Variants in HOMER2 observed in about 807,000 individuals in gnomAD.
The protein encoded by HOMER2 is homer protein homolog 2.
Under a neutral mutation model 47.0 loss-of-function variants are expected in HOMER2, and 27 were observed. The ratio of observed to expected loss-of-function variants is 0.57; its 90% CI spans 0.42 to 0.79. HOMER2 has a LOEUF of 0.79. HOMER2 is among the 30% of genes least tolerant of loss of function. The pLI, the probability that HOMER2 is intolerant of heterozygous loss-of-function variation, is 0.00. For synonymous variants in HOMER2, 161 were observed against 163.8 expected, an observed-to-expected ratio of 0.98 and a Z score of 0.13; for missense variants, 443 against 435.0, an observed-to-expected ratio of 1.02 and a Z score of -0.16.
At chr15:82,941,703 C>G (rs75745402) in intron 1 of HOMER2, among the ~76,000 whole-genome samples, 1,537 of 151,994 alleles carry the variant, frequency 0.01, 24 homozygotes, top group African/African-American at 0.031. Context: ...GATTAACTCC[C>G]AACACCTTAG....
chr15:82,971,697 G>T (rs942021778), intron 1 of HOMER2, among the ~76,000 whole-genome samples: 1 of 151,884 alleles, frequency 6.6e-6, no homozygotes, highest in Admixed American at 6.6e-5. Flanking sequence ...CTCTGACTGT[G>T]CTAAAATCAG....
Position 82,851,238 on chromosome 15 carries a change from G to T in HOMER2, c.763-7C>A. ...TTCGGAGATCTTTCAGCTCCTACAT[G>T]AAAAAAATTTGAGATAGAACATGAA... On this transcript the variant is annotated splice_region_variant and splice_polypyrimidine_tract_variant and intron_variant, in intron 7 of 8. Coordinates refer to ENST00000450735, the MANE Select transcript of HOMER2 (RefSeq NM_004839.4). 6.5e-7 allele frequency: 1 copy of T among 1,546,746 alleles called. No homozygotes were observed. The highest frequency in any genetic ancestry group is 8.8e-7 in the Non-Finnish European group (1 of 1,140,676).
At chr15:82,836,694 T>A (rs2051131034), downstream of HOMER2, among the ~76,000 whole-genome samples, 1 of 152,222 alleles carries the variant, frequency 6.6e-6, no homozygotes, top group South Asian at 2.1e-4. Context: ...TGAAAAGCAT[T>A]GAGCTAGGCC....
chr15:82,869,410 T>C (rs1042999250), intron 3 of HOMER2, among the ~76,000 whole-genome samples: 11 of 149,896 alleles, frequency 7.3e-5, no homozygotes, highest in Non-Finnish European at 1.5e-5. Context: ...CAATATGATA[T>C]TAATACTTCC....
At chr15:82,897,994 C>T (rs1379185312) in intron 1 of HOMER2, among the ~76,000 whole-genome samples, 1 of 152,230 alleles carries the variant, frequency 6.6e-6, no homozygotes, top group African/African-American at 2.4e-5. Flanking sequence ...AGAAGAGACA[C>T]TGTCCTTCAC....
intron 1 of HOMER2, among the ~76,000 whole-genome samples, chr15:82,940,518 C>T (rs180920163): frequency 4.6e-5 from 7 of 152,188 alleles, no homozygotes; most frequent in Admixed American, 1.3e-4. Context: ...CCAAGGCGGG[C>T]GGATCACGAG....
intron 3 of HOMER2, among the ~76,000 whole-genome samples, chr15:82,873,952 G>A (rs934746374): frequency 6.6e-6 from 1 of 152,206 alleles, no homozygotes; most frequent in Non-Finnish European, 1.5e-5. Flanking sequence ...AAAGGAAGGG[G>A]ACCAGTTAGC....
chr15:82,844,956 TGGTTTACGGGCTCCTGCCA>T (rs1433653036), downstream of HOMER2: 4 of 152,280 alleles, frequency 2.6e-5, no homozygotes, highest in South Asian at 8.3e-4. Flanking sequence ...GACTCTGCCG[TGGTTTACGGGCTCCTGCCA>T]GGTGCCCTGG....
intron 1 of HOMER2, among the ~76,000 whole-genome samples, chr15:82,927,146 G>A (rs1596360534): frequency 2.0e-5 from 3 of 151,612 alleles, no homozygotes. Flanking sequence ...CACATATGAT[G>A]CCACTCCCAG....
chr15:82,864,610 T>C (rs1380543241), intron 3 of HOMER2, among the ~76,000 whole-genome samples: 2 of 152,240 alleles, frequency 1.3e-5, no homozygotes, highest in Non-Finnish European at 2.9e-5. Flanking sequence ...GTCATTTTTT[T>C]CTAGATGAAT....
intron 1 of HOMER2, among the ~76,000 whole-genome samples, chr15:82,984,974 A>G (rs951069135): frequency 6.6e-6 from 1 of 152,232 alleles, no homozygotes; most frequent in Non-Finnish European, 1.5e-5. Flanking sequence ...AACTAAATAC[A>G]TGAAATTCCA....
In HOMER2 at chr15:82,864,236, C is replaced by G. The variant is rs1024051853; in HGVS notation, c.318G>C (p.Val106=). The change falls in exon 4 of 9, where the codon GTG becomes GTC. Residue 106 remains valine (V), a synonymous_variant. Transcript: ENST00000450735. ...LTKFAEKFQE[V]KEAAKIAKDK... ...CTTTGGCTATCTTGGCAGCTTCTTT[C>G]ACCTCCTGGAATTTCTCTGCAAACT... is the stretch of plus-strand genomic sequence containing the variant. 1 of 1,612,334 alleles carries G rather than the reference C, an allele frequency of 6.2e-7. No homozygotes were observed. The highest frequency in any genetic ancestry group is 1.7e-5 in the Admixed American group (1 of 59,648).
exon 2 of HOMER2, chr15:82,841,153 A>G (rs955199082): frequency 6.6e-6 from 1 of 152,194 alleles, no homozygotes; most frequent in African/African-American, 2.4e-5. Flanking sequence ...CAGAAAGTAC[A>G]GATAAGAAAC....
downstream of HOMER2, chr15:82,846,062 C>G (rs1306364568): frequency 1.3e-5 from 2 of 152,244 alleles, no homozygotes; most frequent in Non-Finnish European, 2.9e-5. Flanking sequence ...GATCAGGTCC[C>G]GTTCAAGCTG....
At chr15:82,898,500 G>A (rs539690555) in intron 1 of HOMER2, 6 of 152,268 alleles carry the variant, frequency 3.9e-5, no homozygotes, top group African/African-American at 7.2e-5. Context: ...AGATGTTTCC[G>A]GATGGCAGAA....
chr15:82,854,791 G>C lies in HOMER2; in HGVS notation c.504C>G (p.Asn168Lys), dbSNP rs781638307. 1.2e-6 allele frequency: 2 copies of C among 1,608,886 alleles called. No individual in the cohort carries two copies. Among genetic ancestry groups the C allele is most frequent in the Admixed American group, 1.7e-5 (1 of 59,988 alleles). ...LKIALTQSAA[N>K]VKKWEIELQT... The stretch of plus-strand genomic sequence containing the variant: ...GCAGCTCGATCTCCCACTTCTTCAC[G>C]TTGGCTGCGCTGCAGGACAGGGACG... Residue 168 changes from asparagine (N) to lysine (K), a missense_variant, in exon 6 of 9, where the codon AAC becomes AAG. Coordinates refer to ENST00000450735, the MANE Select transcript of HOMER2 (RefSeq NM_004839.4).
At chr15:82,985,336 G>A (rs560093161) in intron 1 of HOMER2, among the ~76,000 whole-genome samples, 17 of 152,280 alleles carry the variant, frequency 1.1e-4, no homozygotes, top group Admixed American at 9.2e-4. Flanking sequence ...CCTATAGCAG[G>A]TATATGTAAG....
Position 82,849,601 on chromosome 15 carries a change from C to T in HOMER2, c.*114G>A, listed in dbSNP as rs185414724. The T allele has an allele frequency of 1.7e-5, 15 of 892,238 alleles. No individual in the cohort carries two copies. The highest frequency in any genetic ancestry group is 2.2e-5 in the Non-Finnish European group (13 of 599,866). The allele number at this position is 892,238 out of a possible 1,614,324, so 55.3% of individuals were successfully genotyped here. ...GGACGGCACAACTGGTTTGGAAACA[C>T]GACAAACTGCGCCTGCATTTACAGA... On this transcript the variant is annotated 3_prime_UTR_variant, in exon 9 of 9. Coordinates refer to ENST00000450735, the MANE Select transcript of HOMER2 (RefSeq NM_004839.4).
At chr15:82,869,151 A>G (rs2052093942) in intron 3 of HOMER2, among the ~76,000 whole-genome samples, 1 of 152,160 alleles carries the variant, frequency 6.6e-6, no homozygotes, top group East Asian at 1.9e-4. Context: ...GGGCTGTAAC[A>G]CTGCCACCTC....
Sources: gnomAD v4.1 joint callset for allele counts (sites outside exome capture counted in the v4.1 genomes callset) on GRCh38, gnomAD v4.1.1 for gene constraint, MANE v1.5 for transcripts, NCBI Gene and HGNC (gene_info 2026-07-23, HGNC 2026-07-21) for gene names.